The following PRUNE2 variants were observed in gnomAD, a reference collection of about 807,000 sequenced individuals.
PRUNE2 encodes the protein protein prune homolog 2.
Under a neutral mutation model 252.0 loss-of-function variants are expected in PRUNE2, and 164 were observed. The ratio of observed to expected loss-of-function variants is 0.65; its 90% CI spans 0.57 to 0.74. The LOEUF is 0.74. PRUNE2 is among the 30% of genes least tolerant of loss of function. The probability of loss-of-function intolerance (pLI) is 0.00; values close to 1 mark genes in which losing one functional copy is unlikely to be tolerated. For missense variants in PRUNE2, 3,495 were observed against 3,711.0 expected (o/e 0.94, Z 1.51); for synonymous variants, 1,292 against 1,350.2 (o/e 0.96, Z 0.94).
At chr9:76,629,346 T>G in intron 15 of PRUNE2, 56 bp from the exon 16 acceptor site, 1 of 907,196 alleles carries the variant, frequency 1.1e-6, no homozygotes, top group Non-Finnish European at 1.7e-6. Flanking sequence ...TTATCCATTC[T>G]AAGGCTATTG....
intron 6 of PRUNE2, among the ~76,000 whole-genome samples, chr9:76,803,039 C>T (rs984966826): frequency 1.3e-5 from 2 of 152,156 alleles, no homozygotes; most frequent in African/African-American, 4.8e-5. Context: ...CCACATTGTT[C>T]GCTCTTTCCC....
chr9:76,781,229 C>T (rs1005470522), intron 6 of PRUNE2, among the ~76,000 whole-genome samples: 24 of 152,126 alleles, frequency 1.6e-4, no homozygotes, highest in African/African-American at 5.6e-4. Flanking sequence ...TTGCCACATC[C>T]CTATCCTTTT....
At chr9:76,838,159 C>CTT (rs76234279) in intron 4 of PRUNE2, among the ~76,000 whole-genome samples, 4 of 149,756 alleles carry the variant, frequency 2.7e-5, no homozygotes, top group Non-Finnish European at 3.0e-5. Context: ...TGATCTTGAC[C>CTT]TTTTTTTTTC....
intron 7 of PRUNE2, among the ~76,000 whole-genome samples, chr9:76,713,048 T>C (rs1016694456): frequency 2.6e-5 from 4 of 152,174 alleles, no homozygotes; most frequent in Non-Finnish European, 4.4e-5. Flanking sequence ...GTATATCCGA[T>C]GGCCTATTTT....
chr9:76,845,431 C>T (rs553707153), intron 4 of PRUNE2, among the ~76,000 whole-genome samples: 1 of 152,332 alleles, frequency 6.6e-6, no homozygotes, highest in Admixed American at 6.5e-5. Flanking sequence ...TTTCCTTCTG[C>T]TCTGTCACAA....
intron 6 of PRUNE2, among the ~76,000 whole-genome samples, chr9:76,776,221 A>C (rs950419789): frequency 6.6e-6 from 1 of 152,212 alleles, no homozygotes; most frequent in African/African-American, 2.4e-5. Flanking sequence ...CTGAGCTTTT[A>C]GTGTAGCCAT....
intron 4 of PRUNE2, among the ~76,000 whole-genome samples, chr9:76,845,000 TAAAA>T (rs55754002): frequency 0.025 from 1,511 of 60,762 alleles, 42 homozygotes; most frequent in South Asian, 0.089. Flanking sequence ...CCCCCTCTCT[TAAAA>T]AAAAAAAAAA....
intron 4 of PRUNE2, among the ~76,000 whole-genome samples, chr9:76,845,974 C>A (rs1398116442): frequency 2.0e-5 from 3 of 152,132 alleles, no homozygotes; most frequent in Admixed American, 1.3e-4. Context: ...GTGTTCAGGA[C>A]CCCAGGGCTT....
chr9:76,640,171 C>A (rs1023830323), intron 12 of PRUNE2, among the ~76,000 whole-genome samples: 19 of 152,184 alleles, frequency 1.2e-4, no homozygotes, highest in Non-Finnish European at 2.4e-4. Flanking sequence ...TAAGCCTGGT[C>A]CAGTCCTCCC....
At chr9:76,655,618 T>C (rs779991825) in intron 9 of PRUNE2, 116 bp from the exon 10 acceptor site, 4 of 758,576 alleles carry the variant, frequency 5.3e-6, no homozygotes, top group Admixed American at 2.1e-5. Flanking sequence ...AAATAAACCA[T>C]GTATGGGGAC....
chr9:76,622,941 T>C (rs1308805516), intron 17 of PRUNE2, among the ~76,000 whole-genome samples: 1 of 152,186 alleles, frequency 6.6e-6, no homozygotes, highest in Non-Finnish European at 1.5e-5. Context: ...ATTGGCACAC[T>C]ACAAGCAAAT....
intron 6 of PRUNE2, among the ~76,000 whole-genome samples, chr9:76,768,606 T>C: frequency 6.6e-6 from 1 of 151,778 alleles, no homozygotes; most frequent in African/African-American, 2.4e-5. Flanking sequence ...TGTGTGTGTG[T>C]GTGTGTGTGT....
chr9:76,865,838 C>CACACACAA (rs2060807698), intron 1 of PRUNE2, among the ~76,000 whole-genome samples: 1 of 151,612 alleles, frequency 6.6e-6, no homozygotes, highest in African/African-American at 2.4e-5. Context: ...CACACACACA[C>CACACACAA]ACACACACAC....
intron 6 of PRUNE2, among the ~76,000 whole-genome samples, chr9:76,810,652 A>G (rs2057297156): frequency 6.6e-6 from 1 of 152,236 alleles, no homozygotes; most frequent in Admixed American, 6.5e-5. Flanking sequence ...TATCCTACAC[A>G]GTAACTATCC....
intron 1 of PRUNE2, among the ~76,000 whole-genome samples, chr9:76,875,843 AC>A (rs1294399428): frequency 6.6e-6 from 1 of 152,246 alleles, no homozygotes; most frequent in Non-Finnish European, 1.5e-5. Context: ...TGTCCCTTTG[AC>A]ACGTATCTCA....
intron 6 of PRUNE2, among the ~76,000 whole-genome samples, chr9:76,801,954 T>C (rs1485259456): frequency 2.6e-5 from 4 of 152,184 alleles, no homozygotes; most frequent in African/African-American, 7.2e-5. Context: ...ATTAACCATA[T>C]GGCTACCTCG....
chr9:76,724,514 G>A (rs115939815), intron 6 of PRUNE2, among the ~76,000 whole-genome samples: 1 of 151,908 alleles, frequency 6.6e-6, no homozygotes, highest in East Asian at 2.0e-4. Context: ...AAATGAAGTG[G>A]GCTGATTTCA....
chr9:76,671,178 C>T (rs1218959049), intron 9 of PRUNE2, among the ~76,000 whole-genome samples: 1 of 145,306 alleles, frequency 6.9e-6, no homozygotes, highest in African/African-American at 2.5e-5. Flanking sequence ...GAATGTATAA[C>T]TGGAATAACC....
chr9:76,742,062 T>C (rs1198469370), intron 6 of PRUNE2, among the ~76,000 whole-genome samples: 1 of 152,246 alleles, frequency 6.6e-6, no homozygotes, highest in African/African-American at 2.4e-5. Context: ...GTAAAAATGT[T>C]AAATAATAAA....
Sources: gnomAD v4.1 joint callset for allele counts (sites outside exome capture counted in the v4.1 genomes callset) on GRCh38, gnomAD v4.1.1 for gene constraint, MANE v1.5 for transcripts, NCBI Gene and HGNC (gene_info 2026-07-23, HGNC 2026-07-21) for gene names.